TRPC5: variants seen among roughly 807,000 people sequenced by gnomAD.
TRPC5 encodes short transient receptor potential channel 5.
A neutral mutation model predicts 56.5 loss-of-function variants in TRPC5; 9 were observed. The ratio of observed to expected loss-of-function variants is 0.16; its 90% CI spans 0.10 to 0.28. The LOEUF (loss-of-function observed/expected upper bound fraction) is 0.28. TRPC5 is among the 10% of genes least tolerant of loss of function. TRPC5 has a pLI of 1.00. For synonymous variants in TRPC5, 282 were observed against 278.5 expected, an observed-to-expected ratio of 1.01 and a Z score of -0.13; for missense variants, 469 against 748.9, an observed-to-expected ratio of 0.63 and a Z score of 4.36.
chrX:111,772,025 C>G lies in TRPC5; in HGVS notation c.*4288G>C, dbSNP rs1373456569. 9.0e-6 allele frequency among the ~76,000 whole-genome samples: 1 copy of G among 111,381 alleles called. No individual in the cohort carries two copies. Among genetic ancestry groups the G allele is most frequent in the Admixed American group, 9.6e-5 (1 of 10,441 alleles). ...ATGTGTGTCTATGTATATACACAGA[C>G]ACGTTCTCACTTTTACAGACATCCC... On this transcript the variant is annotated 3_prime_UTR_variant, in exon 11 of 11. Transcript: ENST00000262839.
At chrX:111,941,505 G>A (rs982923474) in intron 2 of TRPC5, among the ~76,000 whole-genome samples, 13 of 112,203 alleles carry the variant, frequency 1.2e-4, no homozygotes, top group Non-Finnish European at 2.3e-4. Context: ...TGATGCTGCT[G>A]GTTAGGTCAG....
At chrX:111,932,592 A>G (rs1437443548) in intron 2 of TRPC5, among the ~76,000 whole-genome samples, 1 of 111,099 alleles carries the variant, frequency 9.0e-6, no homozygotes, top group African/African-American at 3.3e-5. Context: ...TCCTTTCACC[A>G]TACTCTAGTC....
intron 4 of TRPC5, among the ~76,000 whole-genome samples, 190 bp from the exon 5 acceptor site, chrX:111,852,627 GTAGGCTTTTCCTGA>G (rs1002429193): frequency 9.0e-6 from 1 of 111,500 alleles, no homozygotes; most frequent in African/African-American, 3.3e-5. Flanking sequence ...GCCAAACCTG[GTAGGCTTTTCCTGA>G]AAATGCCCAT....
chrX:111,911,828 C>T (rs941385868), intron 3 of TRPC5, among the ~76,000 whole-genome samples: 3 of 112,183 alleles, frequency 2.7e-5, no homozygotes, highest in Admixed American at 9.4e-5. Context: ...ATCCAGGCAG[C>T]GACCCTCCTG....
chrX:111,962,941 C>T (rs748540096), intron 1 of TRPC5, among the ~76,000 whole-genome samples: 74 of 111,691 alleles, frequency 6.6e-4, no homozygotes, highest in African/African-American at 1.3e-3. Context: ...TCTGAGGTAC[C>T]GGGTTGATCT....
intron 2 of TRPC5, among the ~76,000 whole-genome samples, chrX:111,935,779 T>C: frequency 8.9e-6 from 1 of 111,823 alleles, no homozygotes; most frequent in East Asian, 2.8e-4. Context: ...AAGTTCATTG[T>C]AGATATATGG....
At chrX:111,803,892 T>G (rs1376369048) in intron 7 of TRPC5, among the ~76,000 whole-genome samples, 6 of 112,202 alleles carry the variant, frequency 5.3e-5, no homozygotes, top group Non-Finnish European at 9.4e-5. Context: ...TTGTTGCCAT[T>G]GCTTTTGGTG....
At chrX:111,819,617 C>G (rs1921971210) in intron 7 of TRPC5, among the ~76,000 whole-genome samples, 1 of 111,878 alleles carries the variant, frequency 8.9e-6, no homozygotes, top group Admixed American at 9.5e-5. Context: ...TATACCTTAT[C>G]ACTTGGGACA....
chrX:111,921,428 A>G (rs1055332913), intron 2 of TRPC5, among the ~76,000 whole-genome samples: 2 of 109,332 alleles, frequency 1.8e-5, no homozygotes, highest in Non-Finnish European at 3.8e-5. Flanking sequence ...TTAAATTTGT[A>G]TGAAGATTAC....
At chrX:111,882,621 A>G (rs1463735682) in intron 3 of TRPC5, among the ~76,000 whole-genome samples, 2 of 113,177 alleles carry the variant, frequency 1.8e-5, no homozygotes, top group Non-Finnish European at 3.7e-5. Context: ...AGCTCTAGCC[A>G]TGAACTTGGC....
At chrX:111,897,547 C>T (rs1442414283) in intron 3 of TRPC5, among the ~76,000 whole-genome samples, 4 of 111,514 alleles carry the variant, frequency 3.6e-5, no homozygotes, top group African/African-American at 1.3e-4. Context: ...TCAGTTCCTA[C>T]TCCCATAAAT....
At position 112,032,983 on chromosome X, in the gene TRPC5, A is replaced by G. The variant is rs766670287; in HGVS notation, c.-22+48896T>C. On this transcript the variant is annotated intron_variant, in intron 1 of 10. Transcript: ENST00000262839. ...AATAGAGGTTTTCAAATGTCCATCA[A>G]TGATAGACTGGATTAAGAAAATGTG... 1.5e-4 allele frequency among the ~76,000 whole-genome samples: 16 copies of G among 109,943 alleles called. No homozygotes were observed. The South Asian group carries it at 4.4e-3, about 31-fold the overall frequency.
At chrX:112,016,688 T>C (rs371207004) in intron 1 of TRPC5, among the ~76,000 whole-genome samples, 2 of 111,890 alleles carry the variant, frequency 1.8e-5, no homozygotes, top group African/African-American at 6.5e-5. Context: ...GCTTTTGCTC[T>C]GTGTGTACTT....
intron 7 of TRPC5, among the ~76,000 whole-genome samples, chrX:111,790,420 A>G (rs777100768): frequency 9.1e-6 from 1 of 110,376 alleles, no homozygotes; most frequent in East Asian, 2.9e-4. Context: ...AGGGTGGGGG[A>G]CTGGGGGAGG....
At chrX:111,994,081 A>C (rs1189825355) in intron 1 of TRPC5, among the ~76,000 whole-genome samples, 5 of 111,887 alleles carry the variant, frequency 4.5e-5, no homozygotes, top group Non-Finnish European at 9.4e-5. Flanking sequence ...ATTTTTGTAT[A>C]AAGTGTAAGT....
chrX:111,928,704 C>T lies in TRPC5; in HGVS notation c.379-15892G>A, dbSNP rs1462803133. Reference sequence around the variant, plus strand: ...TCTTGCCTAGCTTTCTCACTGTATGCTCTTAGGCTAGGGGTGTGGGCTGCT... The same window carrying T: ...TCTTGCCTAGCTTTCTCACTGTATGTTCTTAGGCTAGGGGTGTGGGCTGCT... On this transcript the variant is annotated intron_variant, in intron 2 of 10. Transcript: ENST00000262839. Among the ~76,000 whole-genome samples, 5 of 111,841 alleles carry T rather than the reference C, an allele frequency of 4.5e-5. No individual in the cohort carries two copies. The East Asian group carries it at 1.1e-3, about 25-fold the overall frequency.
In TRPC5 at chrX:111,902,145, A is replaced by C. The variant is rs1342044949; in HGVS notation, c.900+10146T>G. Reference sequence around the variant, plus strand: ...TTAGACATGGATAACTTATATGAAGATACAGTCTCTGGTATAAATGATGAC... The same window carrying C: ...TTAGACATGGATAACTTATATGAAGCTACAGTCTCTGGTATAAATGATGAC... On this transcript the variant is annotated intron_variant, in intron 3 of 10. Transcript: ENST00000262839. 2.6e-6 allele frequency: 3 copies of C among 1,145,498 alleles called. No individual in the cohort carries two copies. The African/African-American group carries it at 5.4e-5, about 21-fold the overall frequency. 94.4% of individuals were successfully genotyped at this position (1,145,498 alleles called of 1,213,427 possible). A position where few individuals can be genotyped will look rare whatever the true frequency, so the allele number is the denominator to read the frequency against.
chrX:111,872,581 A>T (rs1340404458), intron 3 of TRPC5, among the ~76,000 whole-genome samples: 3 of 111,917 alleles, frequency 2.7e-5, no homozygotes, highest in Non-Finnish European at 5.6e-5. Context: ...TGCAGGAGGT[A>T]TGGCTTTTTC....
At chrX:112,070,922 A>T (rs1471386710) in intron 1 of TRPC5, among the ~76,000 whole-genome samples, 1 of 111,719 alleles carries the variant, frequency 9.0e-6, no homozygotes, top group Non-Finnish European at 1.9e-5. Context: ...TTAAGTTCTA[A>T]CTATGCACCA....
Sources: allele counts gnomAD v4.1 joint callset (sites outside exome capture counted in the v4.1 genomes callset), GRCh38; gene constraint gnomAD v4.1.1; transcripts MANE v1.5; gene names NCBI Gene and HGNC (gene_info 2026-07-23, HGNC 2026-07-21).